Variants in ATAD3A observed in about 807,000 individuals in gnomAD.
ATAD3A encodes the protein ATPase family AAA domain containing 3A, also known as ATPase family AAA domain-containing protein 3A.
A neutral mutation model predicts 73.8 loss-of-function variants in ATAD3A; 46 were observed. The ratio of observed to expected loss-of-function variants is 0.62; its 90% CI spans 0.49 to 0.80. The LOEUF (loss-of-function observed/expected upper bound fraction) is 0.80. Ranked by LOEUF, ATAD3A falls within the 30% of genes least tolerant of loss-of-function variation. The pLI is 0.00. For synonymous variants in ATAD3A, 319 were observed against 350.0 expected (o/e 0.91, Z 0.99); for missense variants, 705 against 838.0 (o/e 0.84, Z 1.96).
At position 1,533,956 on chromosome 1, in the gene ATAD3A, C is replaced by T. The variant is rs778474071; in HGVS notation, c.1645C>T (p.Leu549=). The T allele has an allele frequency of 9.3e-6, 15 of 1,613,366 alleles. No individual in the cohort carries two copies. In the South Asian group the frequency reaches 1.6e-4, roughly 18 times the overall value. Residue 549 remains leucine (L), a synonymous_variant, in exon 16 of 16, where the codon CTG becomes TTG. Coordinates refer to ENST00000378756, the MANE Select transcript of ATAD3A (RefSeq NM_001170535.3). The part of the protein sequence containing the change: ...ATAYASEDGV[L]TEAMMDTRVQ... ...GGCGTATGCCTCCGAGGACGGGGTC[C>T]TGACCGAGGCCATGATGGACACCCG... is the stretch of plus-strand genomic sequence containing the variant.
intron 14 of ATAD3A, among the ~76,000 whole-genome samples, chr1:1,528,189 C>T (rs1387699531): frequency 2.0e-5 from 3 of 152,146 alleles, no homozygotes; most frequent in Non-Finnish European, 4.4e-5. Flanking sequence ...TCTCAAACTC[C>T]TGACCTCAAG....
At chr1:1,533,771 G>A (rs1217977888) in intron 15 of ATAD3A, among the ~76,000 whole-genome samples, 155 bp from the exon 16 acceptor site, 16 of 151,504 alleles carry the variant, frequency 1.1e-4, no homozygotes, top group Non-Finnish European at 1.5e-4. Flanking sequence ...GTCCACACAC[G>A]TGCTGGGCTC....
In ATAD3A at chr1:1,533,995, G is replaced by A. The variant is rs1309685084; in HGVS notation, c.1684G>A (p.Val562Ile). Reference protein sequence around the residue: ...AMMDTRVQDAVQQHQQKMCWL... With the variant: ...AMMDTRVQDAIQQHQQKMCWL... The stretch of plus-strand genomic sequence containing the variant: ...GATGGACACCCGCGTGCAAGATGCT[G>A]TCCAGCAGCACCAGCAGAAGATGTG... Residue 562 changes from valine (V) to isoleucine (I), a missense_variant, in exon 16 of 16, where the codon GTC becomes ATC. Val to Ile is a conservative substitution (Grantham distance 29). Coordinates refer to ENST00000378756, the MANE Select transcript of ATAD3A (RefSeq NM_001170535.3). The A allele has an allele frequency of 5.0e-6, 8 of 1,613,502 alleles. No homozygotes were observed. Among genetic ancestry groups the A allele is most frequent in the Non-Finnish European group, 6.8e-6 (8 of 1,179,958 alleles).
At position 1,524,000 on chromosome 1, in the gene ATAD3A, C is replaced by T. The variant is rs535063193; in HGVS notation, c.1089+36C>T. The T allele has an allele frequency of 2.4e-5, 39 of 1,613,182 alleles. 1 individual carries two copies. Among genetic ancestry groups the T allele is most frequent in the South Asian group, 9.9e-5 (9 of 91,068 alleles). On this transcript the variant is annotated intron_variant, in intron 10 of 15. Coordinates refer to ENST00000378756, the MANE Select transcript of ATAD3A (RefSeq NM_001170535.3). The surrounding 1 kb of genome is among the most constrained non-coding windows in gnomAD (Gnocchi z 5.1). ...CTGGCTGAACAGGTGGGCCAGGGGC[C>T]GCTGGGGTCTCACCTGCCTGCAGGT... is the stretch of plus-strand genomic sequence containing the variant.
chr1:1,518,584 C>T (rs1359449051), intron 4 of ATAD3A, among the ~76,000 whole-genome samples: 2 of 138,392 alleles, frequency 1.4e-5, no homozygotes. Context: ...CACACACACA[C>T]CCGCACATGG....
rs1183540485 is a variant in ATAD3A at position 1,514,912 on chromosome 1, C to T, written c.206-1100C>T. On this transcript the variant is annotated intron_variant, in intron 1 of 15. Transcript: ENST00000378756. The stretch of plus-strand genomic sequence containing the variant: ...TATTTGAGATGGAGTTGCCGTCCGT[C>T]GCCCAGGCTGGAGTGCAGTGGTGCA... 2.6e-5 allele frequency among the ~76,000 whole-genome samples: 4 copies of T among 152,168 alleles called. No individual in the cohort carries two copies. The South Asian group carries it at 6.2e-4, about 24-fold the overall frequency.
chr1:1,525,005 T>C (rs1229535367), intron 11 of ATAD3A, among the ~76,000 whole-genome samples: 1 of 152,118 alleles, frequency 6.6e-6, no homozygotes, highest in Non-Finnish European at 1.5e-5. Flanking sequence ...GGGGCGGAGT[T>C]CGTCGCCCCC....
In ATAD3A at chr1:1,523,362, G is replaced by A. The variant is rs1641673368; in HGVS notation, c.907-149G>A. On this transcript the variant is annotated intron_variant, in intron 8 of 15. Transcript: ENST00000378756. This position sits in a 1 kb window ranked among gnomAD's most constrained non-coding sequence, Gnocchi z 5.1. ...CCAGCAATAGCCGCCTGGTCTCCGG[G>A]CGGGGCAGGGTTCCAGCTCCGGGCC... 5 of 1,331,160 alleles carry A rather than the reference G, an allele frequency of 3.8e-6. No individual in the cohort carries two copies. The South Asian group carries it at 6.9e-5, about 18-fold the overall frequency. 82.5% of individuals were successfully genotyped at this position (1,331,160 alleles called of 1,614,324 possible). A position where few individuals can be genotyped will look rare whatever the true frequency, so the allele number is the denominator to read the frequency against.
chr1:1,527,958 C>G, intron 14 of ATAD3A, 96 bp downstream of exon 14: 1 of 981,020 alleles, frequency 1.0e-6, no homozygotes, highest in Non-Finnish European at 1.4e-6. Flanking sequence ...TTTAACATTC[C>G]TTTTTTTTTT....
intron 1 of ATAD3A, among the ~76,000 whole-genome samples, chr1:1,515,342 G>A (rs1472034067): frequency 1.3e-5 from 2 of 152,216 alleles, no homozygotes; most frequent in Admixed American, 6.5e-5. Context: ...CTCTCAAAGT[G>A]CTGGGAGTAC....
At position 1,534,461 on chromosome 1, in the gene ATAD3A, G is replaced by C. The variant is rs1440793100; in HGVS notation, c.*389G>C. On this transcript the variant is annotated 3_prime_UTR_variant, in exon 16 of 16. Transcript: ENST00000378756. Reference sequence around the variant, plus strand: ...CTTTGTTCTCGGCTCCCACAGCAGAGCCAGGTGAGGGGGCGCCTGCCAGGG... The same window carrying C: ...CTTTGTTCTCGGCTCCCACAGCAGACCCAGGTGAGGGGGCGCCTGCCAGGG... 8.5e-6 allele frequency: 10 copies of C among 1,170,338 alleles called. No homozygotes were observed. The highest frequency in any genetic ancestry group is 1.1e-5 in the Non-Finnish European group (10 of 917,456). The allele number at this position is 1,170,338 out of a possible 1,614,324, so 72.5% of individuals were successfully genotyped here.
At position 1,522,949 on chromosome 1, in the gene ATAD3A, C is replaced by G. The variant is rs748182448; in HGVS notation, c.906+50C>G. ...CTGAGTGCAGTTCCTGGCTGAGTCC[C>G]TTCTGCCCCACGAGCACAGCCCACG... On this transcript the variant is annotated intron_variant, in intron 8 of 15. Coordinates refer to ENST00000378756, the MANE Select transcript of ATAD3A (RefSeq NM_001170535.3). The G allele has an allele frequency of 9.4e-6, 15 of 1,591,772 alleles. 1 individual carries two copies. In the Admixed American group the frequency reaches 2.6e-4, roughly 28 times the overall value.
intron 13 of ATAD3A, chr1:1,527,213 A>C: frequency 3.1e-6 from 4 of 1,301,742 alleles, no homozygotes; most frequent in Non-Finnish European, 4.0e-6. Context: ...GCCGTGGCTG[A>C]CTCCTCAGGC....
At chr1:1,525,625 A>G (rs533500074) in intron 12 of ATAD3A, among the ~76,000 whole-genome samples, 23 of 152,222 alleles carry the variant, frequency 1.5e-4, no homozygotes, top group African/African-American at 4.6e-4. Flanking sequence ...CGTGTTAGCC[A>G]GGATGGTCTC....
At position 1,512,415 on chromosome 1, in the gene ATAD3A, C is replaced by T; in HGVS notation, c.147C>T (p.Asn49=). ...DRPAPKDKWS[N]FDPTGLERAA... ...CGGCGCCCAAGGACAAATGGAGCAA[C>T]TTCGACCCCACCGGCCTGGAGCGCG... The change falls in exon 1 of 16, where the codon AAC becomes AAT. Residue 49 remains asparagine (N), a synonymous_variant. Transcript: ENST00000378756. The T allele has an allele frequency of 1.6e-6, 2 of 1,233,602 alleles. No individual in the cohort carries two copies. Among genetic ancestry groups the T allele is most frequent in the Non-Finnish European group, 2.0e-6 (2 of 983,620 alleles). 76.4% of individuals were successfully genotyped at this position (1,233,602 alleles called of 1,614,324 possible).
chr1:1,528,286 G>A (rs1641918573), intron 14 of ATAD3A, among the ~76,000 whole-genome samples: 1 of 152,174 alleles, frequency 6.6e-6, no homozygotes, highest in African/African-American at 2.4e-5. Flanking sequence ...TCTTCACTAC[G>A]AGGAGGGCTG....
At chr1:1,513,687 AG>A (rs1641268798) in intron 1 of ATAD3A, among the ~76,000 whole-genome samples, 1 of 151,974 alleles carries the variant, frequency 6.6e-6, no homozygotes, top group South Asian at 2.1e-4. Context: ...GTTTCTCCAG[AG>A]TTGACTGCCC....
At chr1:1,524,243 G>T (rs772266850) in intron 10 of ATAD3A, 30 bp from the exon 11 acceptor site, 258 of 1,613,668 alleles carry the variant, frequency 1.6e-4, no homozygotes, top group Non-Finnish European at 2.1e-4. Context: ...GGGAACATCT[G>T]CTCTGTCTCC....
chr1:1,519,912 T>G (rs1641519823), intron 5 of ATAD3A, among the ~76,000 whole-genome samples: 1 of 152,178 alleles, frequency 6.6e-6, no homozygotes, highest in South Asian at 2.1e-4. Flanking sequence ...TCCGTGGCCT[T>G]AGCCTATTGG....
Sources: gnomAD v4.1 joint callset for allele counts (sites outside exome capture counted in the v4.1 genomes callset) on GRCh38, gnomAD v4.1.1 for gene constraint, Gnocchi (gnomAD v3.1) non-coding constraint, MANE v1.5 for transcripts, NCBI Gene and HGNC (gene_info 2026-07-23, HGNC 2026-07-21) for gene names.